The following ERI2 variants were observed in gnomAD, a reference collection of about 807,000 sequenced individuals.
ERI2 encodes the protein ERI1 exoribonuclease family member 2.
In ERI2, 35 loss-of-function variants were observed where a neutral mutation model predicts 46.8. The observed-to-expected ratio is 0.75, with a 90% CI of 0.57 to 0.99. The LOEUF is 0.99. Among genes scored for constraint, ERI2 ranks in the 50% least tolerant of loss-of-function variants. The pLI is 0.00. For synonymous variants in ERI2, 224 were observed against 271.0 expected (o/e 0.83, Z 1.70); for missense variants, 695 against 796.2 (o/e 0.87, Z 1.53).
At chr16:20,789,684 C>CTTTTT (rs561663756) in intron 9 of ERI2, 8 of 446,566 alleles carry the variant, frequency 1.8e-5, no homozygotes, top group Middle Eastern at 6.5e-4. Flanking sequence ...CTCTATTTTT[C>CTTTTT]TTTTTTTTTT....
At chr16:20,791,929 A>C, downstream of ERI2, 1 of 1,238,684 alleles carries the variant, frequency 8.1e-7, no homozygotes, top group Non-Finnish European at 1.1e-6. Context: ...CTGTCTCGGA[A>C]AAAAAAAAAA....
chr16:20,789,508 C>G, exon 10 of ERI2: 6 of 1,613,756 alleles, frequency 3.7e-6, no homozygotes, highest in Non-Finnish European at 5.1e-6. Context: ...TTCCCCTTTT[C>G]CTGTTTACTC....
chr16:20,785,518 A>G (rs1035548992), intron 10 of ERI2, among the ~76,000 whole-genome samples: 1 of 152,132 alleles, frequency 6.6e-6, no homozygotes, highest in African/African-American at 2.4e-5. Context: ...TCTAAAAAGG[A>G]TTTTTTAAAG....
downstream of ERI2, chr16:20,796,131 C>T: frequency 2.0e-6 from 1 of 497,926 alleles, no homozygotes; most frequent in African/African-American, 1.9e-5. Context: ...ATAAGTAATC[C>T]CCCATGCTGA....
In ERI2 at chr16:20,802,863, G is replaced by C; in HGVS notation, c.236C>G (p.Ala79Gly). 6.2e-7 allele frequency: 1 copy of C among 1,611,326 alleles called. No homozygotes were observed. ...STGQIDSEFQ[A>G]YVQPQEHPIL... The stretch of plus-strand genomic sequence containing the variant: ...TGGATGTTCCTGAGGTTGAACATAA[G>C]CCTGGAACTCAGAGTCAATCTGTCC... Residue 79 changes from alanine to glycine, a missense_variant, in exon 4 of 9, where the codon GCT (alanine) becomes GGT (glycine). Coordinates refer to ENST00000357967, the MANE Select transcript of ERI2 (RefSeq NM_001142725.2).
At chr16:20,785,125 A>G (rs1462729346) in intron 10 of ERI2, 1 of 1,612,166 alleles carries the variant, frequency 6.2e-7, no homozygotes. Flanking sequence ...ACCTCACTGA[A>G]AAGACATAGC....
At chr16:20,805,294 G>A (rs1273825619) in intron 1 of ERI2, among the ~76,000 whole-genome samples, 3 of 151,904 alleles carry the variant, frequency 2.0e-5, no homozygotes, top group Non-Finnish European at 4.4e-5. Flanking sequence ...GTGTGGTGGT[G>A]CATGCCTGTA....
Position 20,790,718 on chromosome 16 carries a change from C to A in ERI2, c.815+132G>T. The A allele has an allele frequency of 6.2e-7, 1 of 1,613,958 alleles. No individual in the cohort carries two copies. Among genetic ancestry groups the A allele is most frequent in the Non-Finnish European group, 8.5e-7 (1 of 1,179,898 alleles). Reference sequence around the variant, plus strand: ...GTGACTTACTAAATAATCTCATTTTCTATTTATTTCTCAAGTGCTTGGTAA... The same window carrying A: ...GTGACTTACTAAATAATCTCATTTTATATTTATTTCTCAAGTGCTTGGTAA... On this transcript the variant is annotated intron_variant, in intron 9 of 10. Transcript: ENST00000300005. This position sits in a 1 kb window ranked among gnomAD's most constrained non-coding sequence, Gnocchi z 4.0.
At chr16:20,800,189 G>T in intron 6 of ERI2, 113 bp downstream of exon 6, 1 of 846,958 alleles carries the variant, frequency 1.2e-6, no homozygotes, top group Non-Finnish European at 1.9e-6. Context: ...GCATTTATGT[G>T]ACCAGTACAA....
At chr16:20,795,685 C>T (rs1324219362), downstream of ERI2, among the ~76,000 whole-genome samples, 4 of 152,136 alleles carry the variant, frequency 2.6e-5, no homozygotes, top group Admixed American at 1.3e-4. Flanking sequence ...GGTAATCTGG[C>T]GTTGGAGGTA....
chr16:20,805,952 G>A, intron 1 of ERI2: 1 of 1,018,854 alleles, frequency 9.8e-7, no homozygotes, highest in East Asian at 8.6e-5. Flanking sequence ...CTTTCTGCAG[G>A]AAGTAAAAAT....
chr16:20,785,022 G>A (rs2080440738), intron 10 of ERI2: 6 of 1,613,662 alleles, frequency 3.7e-6, no homozygotes, highest in Non-Finnish European at 5.1e-6. Flanking sequence ...GTGAGTGCTG[G>A]GGAACCAATT....
rs1567372731 is a variant in ERI2 at position 20,803,611 on chromosome 16, C to T, written c.83G>A (p.Ser28Asn). The T allele has an allele frequency of 6.2e-7, 1 of 1,614,172 alleles. No homozygotes were observed. The highest frequency in any genetic ancestry group is 8.5e-7 in the Non-Finnish European group (1 of 1,180,014). Residue 28 changes from serine to asparagine, a missense_variant, in exon 2 of 9, where the codon AGC (serine) becomes AAC (asparagine). By Grantham distance (46) the Ser-to-Asn change is conservative. Transcript: ENST00000357967. Reference protein sequence around the residue: ...IAPANGNLGRSKSKQLFDYLI... With the variant: ...IAPANGNLGRNKSKQLFDYLI... ...CTAAGCATACTACTCACTGGATTTG[C>T]TTCTTCCGAGATTTCCATTTGCTGG... is the stretch of plus-strand genomic sequence containing the variant.
intron 1 of ERI2, among the ~76,000 whole-genome samples, chr16:20,804,429 C>T (rs1344302992): frequency 6.6e-6 from 1 of 151,914 alleles, no homozygotes; most frequent in Admixed American, 6.6e-5. Flanking sequence ...CTTTGGGAGG[C>T]CAAGGCAGGT....
chr16:20,801,822 G>GCA, intron 4 of ERI2, among the ~76,000 whole-genome samples: 1 of 151,934 alleles, frequency 6.6e-6, no homozygotes, highest in African/African-American at 2.4e-5. Context: ...GCAGTGGCAT[G>GCA]ATCTCAGCTC....
chr16:20,792,663 G>A (rs1596540597), downstream of ERI2: 2 of 985,388 alleles, frequency 2.0e-6, no homozygotes, highest in Non-Finnish European at 2.4e-6. Flanking sequence ...AGCTGGATGG[G>A]ATCAAATTGT....
At chr16:20,802,565 C>T (rs2080807610) in intron 4 of ERI2, among the ~76,000 whole-genome samples, 1 of 150,306 alleles carries the variant, frequency 6.7e-6, no homozygotes, top group Non-Finnish European at 1.5e-5. Context: ...CCAAGTCAGG[C>T]TAATTTAAAT....
chr16:20,789,203 A>G (rs2080539544), intron 10 of ERI2, among the ~76,000 whole-genome samples: 1 of 152,176 alleles, frequency 6.6e-6, no homozygotes, highest in Admixed American at 6.5e-5. Context: ...TTAAAAGCAT[A>G]TGATCTGGAG....
chr16:20,789,792 A>G (rs911179744), intron 9 of ERI2, among the ~76,000 whole-genome samples: 2 of 148,766 alleles, frequency 1.3e-5, no homozygotes, highest in African/African-American at 2.5e-5. Context: ...CTCCTGCTCA[A>G]CCTCCCAAGT....
Sources: gnomAD v4.1 joint callset for allele counts (sites outside exome capture counted in the v4.1 genomes callset) on GRCh38, gnomAD v4.1.1 for gene constraint, Gnocchi (gnomAD v3.1) non-coding constraint, MANE v1.5 for transcripts, NCBI Gene and HGNC (gene_info 2026-07-23, HGNC 2026-07-21) for gene names.